KIDINS220: variants seen among roughly 807,000 people sequenced by gnomAD.
KIDINS220 encodes the protein kinase D interacting substrate 220.
A neutral mutation model predicts 157.6 loss-of-function variants in KIDINS220; 63 were observed. The observed-to-expected ratio is 0.40, with a 90% confidence interval of 0.33 to 0.49. The LOEUF is 0.49. Among genes scored for constraint, KIDINS220 ranks in the 20% least tolerant of loss-of-function variants. The probability of loss-of-function intolerance (pLI) is 0.66; values close to 1 mark genes in which losing one functional copy is unlikely to be tolerated. For missense variants in KIDINS220, 1,772 were observed against 2,171.2 expected (o/e 0.82, Z 3.65); for synonymous variants, 732 against 783.6 (o/e 0.93, Z 1.10).
In KIDINS220 at chr2:8,785,957, T is replaced by C. The variant is rs1027937916; in HGVS notation, c.2013A>G (p.Ile671Met). 2 of 1,613,524 alleles carry C rather than the reference T, an allele frequency of 1.2e-6. No homozygotes were observed. The highest frequency in any genetic ancestry group is 1.7e-5 in the Admixed American group (1 of 59,914). The change falls in exon 17 of 30, where the codon ATA (isoleucine) becomes ATG (methionine). Residue 671 changes from isoleucine (I) to methionine (M), a missense_variant. Coordinates refer to ENST00000256707, the MANE Select transcript of KIDINS220 (RefSeq NM_020738.4). ...VIFLFIIGCI[I>M]SGITLLAIFR... is the part of the protein sequence containing the mutation. ...ATATAGCCAGAAGAGTAATTCCAGA[T>C]ATAATGCAGCCAATGATAAAAAGGA...
At chr2:8,786,168 A>G in intron 16 of KIDINS220, 38 bp downstream of exon 16, 1 of 1,610,392 alleles carries the variant, frequency 6.2e-7, no homozygotes, top group Non-Finnish European at 8.5e-7. Context: ...TCCCACCCCC[A>G]TCCCTTACAC....
rs779525881 is a variant in KIDINS220, at chr2:8,728,963, T to G, written c.*1757A>C. The stretch of plus-strand genomic sequence containing the variant: ...ATTTTTTATTGTTTTCTAAATCTAT[T>G]TGTACACTTAATATGCTAGTATTAA... On this transcript the variant is annotated 3_prime_UTR_variant, in exon 30 of 30. Coordinates refer to ENST00000256707, the MANE Select transcript of KIDINS220 (RefSeq NM_020738.4). 152 of 978,960 alleles carry G rather than the reference T, an allele frequency of 1.6e-4. No homozygotes were observed. The highest frequency in any genetic ancestry group is 1.8e-4 in the Non-Finnish European group (149 of 823,688). The allele number at this position is 978,960 out of a possible 1,614,324, so 60.6% of individuals were successfully genotyped here. A position where few individuals can be genotyped will look rare whatever the true frequency, so the allele number is the denominator to read the frequency against.
At chr2:8,817,910 G>A (rs1256947184) in intron 3 of KIDINS220, among the ~76,000 whole-genome samples, 194 bp from the exon 4 acceptor site, 1 of 152,132 alleles carries the variant, frequency 6.6e-6, no homozygotes, top group Non-Finnish European at 1.5e-5. Flanking sequence ...CACTAAGAAT[G>A]GGGTAAACAT....
In KIDINS220 at chr2:8,785,840, T is replaced by G. The variant is rs1572649777; in HGVS notation, c.2130A>C (p.Thr710=). 4 of 1,601,740 alleles carry G rather than the reference T, an allele frequency of 2.5e-6. No homozygotes were observed. In the East Asian group the frequency reaches 6.9e-5, roughly 28 times the overall value. Residue 710 remains threonine, a synonymous_variant, in exon 17 of 30, where the codon ACA becomes ACC. Transcript: ENST00000256707. ...VGLAFVLNCR[T]WWQVLDSLLN... ...GGAGCGAGTCCAGCACTTGCCACCA[T>G]GTACGACAGTTCAACACAAAGGCCA...
At chr2:8,761,932 A>G (rs1409937283) in intron 22 of KIDINS220, among the ~76,000 whole-genome samples, 1 of 152,202 alleles carries the variant, frequency 6.6e-6, no homozygotes, top group Non-Finnish European at 1.5e-5. Flanking sequence ...TTCTGAAATC[A>G]CAAACCTTTA....
intron 7 of KIDINS220, 45 bp from the exon 8 acceptor site, chr2:8,803,172 A>AAATT: frequency 1.4e-6 from 2 of 1,405,046 alleles, no homozygotes; most frequent in Non-Finnish European, 9.7e-7. Context: ...CAAGCCCAAG[A>AAATT]AATTAATGTA....
intron 11 of KIDINS220, 136 bp from the exon 12 acceptor site, chr2:8,794,123 G>A: frequency 1.7e-6 from 1 of 594,594 alleles, no homozygotes; most frequent in Non-Finnish European, 2.7e-6. Context: ...TATATAATAT[G>A]AATTTTTATC....
At chr2:8,802,597 A>T (rs1674874112) in intron 8 of KIDINS220, among the ~76,000 whole-genome samples, 1 of 152,212 alleles carries the variant, frequency 6.6e-6, no homozygotes, top group East Asian at 1.9e-4. Context: ...CCAATTAGAC[A>T]TTCAAGTGGA....
intron 29 of KIDINS220, among the ~76,000 whole-genome samples, chr2:8,733,207 T>C (rs1379973169): frequency 6.6e-6 from 1 of 152,222 alleles, no homozygotes; most frequent in Non-Finnish European, 1.5e-5. Flanking sequence ...GTGACCCTGA[T>C]GGATATCTCA....
chr2:8,766,138 C>T (rs1260904604), intron 22 of KIDINS220, among the ~76,000 whole-genome samples: 1 of 152,114 alleles, frequency 6.6e-6, no homozygotes, highest in Non-Finnish European at 1.5e-5. Flanking sequence ...AAGTCCTTAC[C>T]ATGGTCCTCC....
chr2:8,728,296 C>G (rs573635721), downstream of KIDINS220, among the ~76,000 whole-genome samples: 1 of 152,064 alleles, frequency 6.6e-6, no homozygotes, highest in Non-Finnish European at 1.5e-5. Context: ...TACACTCAGC[C>G]TGGATGACAG....
At chr2:8,817,753 CA>C in intron 3 of KIDINS220, 37 bp from the exon 4 acceptor site, 3 of 1,365,922 alleles carry the variant, frequency 2.2e-6, no homozygotes, top group Admixed American at 2.0e-5. Context: ...ATTTTCAAAC[CA>C]AAAATAACAC....
intron 2 of KIDINS220, among the ~76,000 whole-genome samples, chr2:8,825,165 A>G (rs1054996145): frequency 1.3e-5 from 2 of 152,078 alleles, no homozygotes; most frequent in Admixed American, 6.6e-5. Context: ...TGAGGTCAGG[A>G]GTTCGAGACC....
chr2:8,788,231 T>C (rs1029474106), intron 15 of KIDINS220, among the ~76,000 whole-genome samples: 6 of 152,180 alleles, frequency 3.9e-5, no homozygotes, highest in Non-Finnish European at 7.3e-5. Flanking sequence ...AAGGTTCCAA[T>C]GTTTTTTGGA....
At chr2:8,771,071 C>T (rs902443119) in intron 21 of KIDINS220, among the ~76,000 whole-genome samples, 1 of 152,104 alleles carries the variant, frequency 6.6e-6, no homozygotes, top group African/African-American at 2.4e-5. Flanking sequence ...TGATTTGCCA[C>T]TGGTGAGATA....
chr2:8,762,535 A>G (rs1668890087), intron 22 of KIDINS220, among the ~76,000 whole-genome samples: 1 of 152,176 alleles, frequency 6.6e-6, no homozygotes, highest in African/African-American at 2.4e-5. Flanking sequence ...CAGGAGATCG[A>G]GACCATCCTG....
chr2:8,759,650 C>A (rs1269676685), intron 22 of KIDINS220, among the ~76,000 whole-genome samples: 1 of 151,094 alleles, frequency 6.6e-6, no homozygotes, highest in Non-Finnish European at 1.5e-5. Flanking sequence ...TGCCTAGGTT[C>A]AAGTACAATA....
chr2:8,811,214 T>C (rs1572755708), intron 6 of KIDINS220, among the ~76,000 whole-genome samples: 1 of 150,098 alleles, frequency 6.7e-6, no homozygotes, highest in Non-Finnish European at 1.5e-5. Context: ...TACAATGCTA[T>C]AAATGTGAAA....
At chr2:8,747,524 T>C (rs1339240222) in intron 25 of KIDINS220, 1 of 432,774 alleles carries the variant, frequency 2.3e-6, no homozygotes, top group Non-Finnish European at 4.2e-6. Context: ...TTTTATATCA[T>C]GGTGCTAATA....
Sources: gnomAD v4.1 joint callset for allele counts (sites outside exome capture counted in the v4.1 genomes callset) on GRCh38, gnomAD v4.1.1 for gene constraint, MANE v1.5 for transcripts, NCBI Gene and HGNC (gene_info 2026-07-23, HGNC 2026-07-21) for gene names.